HTR4: variants seen among roughly 807,000 people sequenced by gnomAD.
The protein encoded by HTR4 is 5-hydroxytryptamine (serotonin) receptor 4, G protein-coupled.
Under a neutral mutation model 36.8 loss-of-function variants are expected in HTR4, and 16 were observed. That is an observed-to-expected ratio of 0.43 (90% confidence interval 0.29 to 0.66). The LOEUF (loss-of-function observed/expected upper bound fraction) is 0.66. Among genes scored for constraint, HTR4 ranks in the 30% least tolerant of loss-of-function variants. The probability of loss-of-function intolerance (pLI) is 0.13; values close to 1 mark genes in which losing one functional copy is unlikely to be tolerated. For synonymous variants in HTR4, 189 were observed against 185.1 expected, an observed-to-expected ratio of 1.02 and a Z score of -0.17; for missense variants, 438 against 490.9, an observed-to-expected ratio of 0.89 and a Z score of 1.02.
At chr5:148,453,476 A>C (rs1251121865) in intron 5 of HTR4, among the ~76,000 whole-genome samples, 1 of 152,114 alleles carries the variant, frequency 6.6e-6, no homozygotes, top group Non-Finnish European at 1.5e-5. Flanking sequence ...CTGTCTCCTG[A>C]CTGAGCCCTG....
At chr5:148,540,985 A>G (rs943366205) in intron 4 of HTR4, among the ~76,000 whole-genome samples, 3 of 152,214 alleles carry the variant, frequency 2.0e-5, no homozygotes, top group African/African-American at 7.2e-5. Flanking sequence ...TGTGGCTAAC[A>G]TTAATTGAAC....
At chr5:148,634,289 T>C (rs1193000936) in intron 2 of HTR4, among the ~76,000 whole-genome samples, 1 of 152,136 alleles carries the variant, frequency 6.6e-6, no homozygotes, top group Non-Finnish European at 1.5e-5. Context: ...ATAGGCATCC[T>C]CTCTTCCAAA....
chr5:148,571,672 C>G (rs531482102), intron 2 of HTR4, among the ~76,000 whole-genome samples: 18 of 151,962 alleles, frequency 1.2e-4, no homozygotes, highest in Non-Finnish European at 2.4e-4. Flanking sequence ...AGACAAGACA[C>G]ACTTCAGGTG....
In HTR4 at chr5:148,481,759, T is replaced by C. The variant is rs1581358095; in HGVS notation, c.*1444A>G. 3 of 1,419,830 alleles carry C rather than the reference T, an allele frequency of 2.1e-6. No homozygotes were observed. The highest frequency in any genetic ancestry group is 2.7e-6 in the Non-Finnish European group (3 of 1,096,090). 88.0% of individuals were successfully genotyped at this position (1,419,830 alleles called of 1,614,324 possible). ...TCAAAGTCAGAATCTCACATGGCTCTGGGTTTGGCATTTACCTTCCCGGGA... is the reference window on the plus strand; with the variant it reads ...TCAAAGTCAGAATCTCACATGGCTCCGGGTTTGGCATTTACCTTCCCGGGA... On this transcript the variant is annotated 3_prime_UTR_variant, in exon 7 of 7. Coordinates refer to ENST00000377888, the MANE Select transcript of HTR4 (RefSeq NM_000870.7).
chr5:148,490,396 T>C (rs527700935), intron 6 of HTR4, among the ~76,000 whole-genome samples: 112 of 152,146 alleles, frequency 7.4e-4, no homozygotes, highest in Non-Finnish European at 1.3e-3. Context: ...CCCCCTAAAA[T>C]TGACAGTATC....
intron 2 of HTR4, among the ~76,000 whole-genome samples, chr5:148,585,610 A>G (rs1820070): frequency 0.29 from 44,799 of 152,064 alleles, 9,493 homozygotes; most frequent in African/African-American, 0.6. Flanking sequence ...TCACAGCTGA[A>G]GAAACTGAAG....
intron 2 of HTR4, among the ~76,000 whole-genome samples, chr5:148,601,800 CAATA>C (rs1211623116): frequency 6.6e-6 from 1 of 151,956 alleles, no homozygotes; most frequent in African/African-American, 2.4e-5. Flanking sequence ...GACCCTATCT[CAATA>C]AATAAATAAA....
intron 2 of HTR4, among the ~76,000 whole-genome samples, chr5:148,630,570 C>T (rs1273739281): frequency 6.6e-5 from 10 of 152,108 alleles, no homozygotes; most frequent in African/African-American, 2.4e-4. Context: ...AATATTCAAA[C>T]AATTTAATAA....
chr5:148,509,981 C>T lies in HTR4; in HGVS notation c.551G>A (p.Cys184Tyr), dbSNP rs956696629. The change falls in exon 6 of 7, where the codon TGT (cysteine) becomes TAT (tyrosine). Residue 184 changes from cysteine to tyrosine, a missense_variant. Cys to Tyr is a radical substitution (Grantham distance 194). Transcript: ENST00000377888. ...GTAGGGCTTGTTGACCATGAAGACA[C>T]AGTACGTAGAGTTAGAGTTCTGGTT... Reference protein sequence around the residue: ...KFNQNSNSTYCVFMVNKPYAI... With the variant: ...KFNQNSNSTYYVFMVNKPYAI... 2 of 1,613,648 alleles carry T rather than the reference C, an allele frequency of 1.2e-6. No individual in the cohort carries two copies. The highest frequency in any genetic ancestry group is 8.5e-7 in the Non-Finnish European group (1 of 1,179,864).
At chr5:148,542,198 C>T (rs994402565) in intron 4 of HTR4, among the ~76,000 whole-genome samples, 2 of 152,146 alleles carry the variant, frequency 1.3e-5, no homozygotes, top group African/African-American at 4.8e-5. Context: ...TTCAACTCAA[C>T]AAATATTATG....
chr5:148,629,476 G>A (rs567036785), intron 2 of HTR4: 8 of 152,262 alleles, frequency 5.3e-5, no homozygotes, highest in African/African-American at 1.9e-4. Context: ...CTAAAGTCCA[G>A]GGGGAAGCTT....
intron 6 of HTR4, among the ~76,000 whole-genome samples, chr5:148,505,541 A>T (rs1441895392): frequency 2.0e-5 from 3 of 152,108 alleles, no homozygotes; most frequent in African/African-American, 7.2e-5. Context: ...GGCAGGAGAA[A>T]GAAATAAAGG....
chr5:148,641,742 G>T (rs1294772371), intron 1 of HTR4, among the ~76,000 whole-genome samples: 2 of 152,190 alleles, frequency 1.3e-5, no homozygotes, highest in East Asian at 3.9e-4. Flanking sequence ...CCAACCCTTG[G>T]TTTTCTGGCT....
At chr5:148,457,526 A>G (rs544909881) in intron 5 of HTR4, among the ~76,000 whole-genome samples, 2 of 152,050 alleles carry the variant, frequency 1.3e-5, no homozygotes, top group African/African-American at 4.8e-5. Context: ...GGAAATGATT[A>G]GACTTTATTA....
Position 148,466,056 on chromosome 5 carries a change from TA to T in HTR4, c.1077-14785del, listed in dbSNP as rs888603706. ...GCCTAAATAAGCTTGCCAATATTCT[TA>T]AAGTGCTTTTAGAGGAGGATAAGGA... On this transcript the variant is annotated intron_variant, in intron 5 of 5. Transcript: ENST00000521530. 9.3e-6 allele frequency: 14 copies of T among 1,498,178 alleles called. No individual in the cohort carries two copies. The Admixed American group carries it at 3.2e-4, about 34-fold the overall frequency. 92.8% of individuals were successfully genotyped at this position (1,498,178 alleles called of 1,614,324 possible). A position where few individuals can be genotyped will look rare whatever the true frequency, so the allele number is the denominator to read the frequency against.
chr5:148,603,631 T>A (rs1375344656), intron 2 of HTR4, among the ~76,000 whole-genome samples: 2 of 152,024 alleles, frequency 1.3e-5, no homozygotes, highest in African/African-American at 4.8e-5. Flanking sequence ...AAATTTCAAA[T>A]AATCTGAAAA....
chr5:148,585,830 C>G (rs529928065), intron 2 of HTR4, among the ~76,000 whole-genome samples: 38 of 152,240 alleles, frequency 2.5e-4, no homozygotes, highest in Middle Eastern at 3.4e-3. Context: ...CCCTGAGTTT[C>G]CTTCATTTCC....
intron 2 of HTR4, among the ~76,000 whole-genome samples, chr5:148,606,406 T>C (rs1014483070): frequency 6.6e-6 from 1 of 152,294 alleles, no homozygotes; most frequent in East Asian, 1.9e-4. Context: ...TGAATTTTCA[T>C]GTGAACACAG....
chr5:148,626,250 C>T (rs545568718), intron 2 of HTR4, among the ~76,000 whole-genome samples: 96 of 152,288 alleles, frequency 6.3e-4, no homozygotes, highest in Middle Eastern at 6.8e-3. Context: ...GTCAGTGGTG[C>T]GATGATAAAA....
Sources: allele counts gnomAD v4.1 joint callset (sites outside exome capture counted in the v4.1 genomes callset), GRCh38; gene constraint gnomAD v4.1.1; transcripts MANE v1.5; gene names NCBI Gene and HGNC (gene_info 2026-07-23, HGNC 2026-07-21).